BAZ2B: variants seen among roughly 807,000 people sequenced by gnomAD.
BAZ2B encodes bromodomain adjacent to zinc finger domain protein 2B.
In BAZ2B, 91 loss-of-function variants were observed where a neutral mutation model predicts 246.0. The ratio of observed to expected loss-of-function variants is 0.37; its 90% CI spans 0.31 to 0.44. The LOEUF is 0.44. Ranked by LOEUF, BAZ2B falls within the 20% of genes least tolerant of loss-of-function variation. BAZ2B has a pLI of 1.00. For missense variants in BAZ2B, 2,332 were observed against 2,533.7 expected, an observed-to-expected ratio of 0.92 and a Z score of 1.71; for synonymous variants, 855 against 860.0, an observed-to-expected ratio of 0.99 and a Z score of 0.10.
intron 13 of BAZ2B, among the ~76,000 whole-genome samples, chr2:159,424,390 G>T (rs1459406963): frequency 6.6e-6 from 1 of 151,890 alleles, no homozygotes; most frequent in Non-Finnish European, 1.5e-5. Flanking sequence ...TATACTACTG[G>T]AAGGAATAAA....
At chr2:159,566,335 C>T (rs1682581763) in intron 1 of BAZ2B, among the ~76,000 whole-genome samples, 1 of 152,124 alleles carries the variant, frequency 6.6e-6, no homozygotes, top group South Asian at 2.1e-4. Flanking sequence ...TATGATGTGA[C>T]AGCAATGTCC....
chr2:159,473,773 T>C (rs1216756585), intron 3 of BAZ2B, among the ~76,000 whole-genome samples: 1 of 152,248 alleles, frequency 6.6e-6, no homozygotes, highest in African/African-American at 2.4e-5. Context: ...TTTGTTCTCA[T>C]TGGTTTCAAG....
At chr2:159,660,638 C>T in the BAZ2B span, among the ~76,000 whole-genome samples, 1 of 152,138 alleles carries the variant, frequency 6.6e-6, no homozygotes, top group African/African-American at 2.4e-5. Context: ...GAGACAGAGT[C>T]TCACTCTGTT....
chr2:159,496,176 C>G, intron 2 of BAZ2B, among the ~76,000 whole-genome samples: 1 of 149,110 alleles, frequency 6.7e-6, no homozygotes, highest in East Asian at 2.1e-4. Context: ...AAGATCGAGA[C>G]CAGCCTGGCC....
At chr2:159,402,093 T>C (rs1382774191) in intron 16 of BAZ2B, among the ~76,000 whole-genome samples, 2 of 152,206 alleles carry the variant, frequency 1.3e-5, no homozygotes, top group Non-Finnish European at 2.9e-5. Flanking sequence ...CTGATCACAT[T>C]CTTTGATTTT....
At chr2:159,315,818 A>G (rs2062053655), downstream of BAZ2B, among the ~76,000 whole-genome samples, 1 of 152,196 alleles carries the variant, frequency 6.6e-6, no homozygotes, top group South Asian at 2.1e-4. Context: ...AAATCACTGA[A>G]GTATTATTTG....
At position 159,455,762 on chromosome 2, in the gene BAZ2B, G is replaced by GTT. The variant is rs759816186; in HGVS notation, c.146-1962_146-1961insAA. On this transcript the variant is annotated intron_variant, in intron 3 of 36. Coordinates refer to ENST00000392783, the MANE Select transcript of BAZ2B (RefSeq NM_013450.4). ...AGTGATAGGTTACCAGAAATATTGT[G>GTT]GTTTTTTTTTTTTTTTTTTTTTTTT... is the stretch of plus-strand genomic sequence containing the variant. Among the ~76,000 whole-genome samples the GTT allele has an allele frequency of 7.5e-3, 723 of 96,924 alleles. 19 individuals are homozygous for GTT. Among genetic ancestry groups the GTT allele is most frequent in the African/African-American group, 0.014 (389 of 28,724 alleles). The allele number at this position is 96,924 out of a possible 152,430, so 63.6% of individuals were successfully genotyped here.
At chr2:159,498,034 T>C (rs184041315) in intron 2 of BAZ2B, among the ~76,000 whole-genome samples, 14 of 152,366 alleles carry the variant, frequency 9.2e-5, no homozygotes, top group Admixed American at 8.5e-4. Flanking sequence ...GCTAATTGCA[T>C]GACTTTTTTA....
intron 2 of BAZ2B, among the ~76,000 whole-genome samples, chr2:159,527,074 TTTTTAA>T (rs1352072828): frequency 1.3e-5 from 2 of 152,076 alleles, no homozygotes; most frequent in East Asian, 1.9e-4. Context: ...ATTGTCGCTA[TTTTTAA>T]TTTTAATTTT....
chr2:159,639,553 A>G, the BAZ2B span, among the ~76,000 whole-genome samples: 27 of 152,260 alleles, frequency 1.8e-4, no homozygotes, highest in African/African-American at 6.3e-4. Context: ...AACTTAAAGT[A>G]TATTGTTTTT....
intron 1 of BAZ2B, among the ~76,000 whole-genome samples, chr2:159,565,521 G>A (rs2090302797): frequency 1.3e-5 from 2 of 152,122 alleles, no homozygotes; most frequent in African/African-American, 4.8e-5. Flanking sequence ...GCTCACACCT[G>A]TAATCCCAGC....
chr2:159,326,062 A>G (rs1440731599), intron 34 of BAZ2B, 144 bp from the exon 35 acceptor site: 2 of 699,992 alleles, frequency 2.9e-6, no homozygotes, highest in African/African-American at 1.9e-5. Context: ...TTCTTAAGAA[A>G]GATCTGTGTA....
chr2:159,396,912 T>A (rs917777999), intron 19 of BAZ2B, among the ~76,000 whole-genome samples: 4 of 152,162 alleles, frequency 2.6e-5, no homozygotes, highest in Non-Finnish European at 5.9e-5. Context: ...TACTTCTTTA[T>A]AGACAGACAA....
chr2:159,694,633 G>T, the BAZ2B span: 1 of 152,100 alleles, frequency 6.6e-6, no homozygotes, highest in Admixed American at 6.5e-5. Context: ...TGTTTTCAAG[G>T]TTCATCCATG....
rs1191744085 is a variant in BAZ2B at position 159,589,637 on chromosome 2, G to A, written c.-46+26605C>T. 2.6e-5 allele frequency among the ~76,000 whole-genome samples: 4 copies of A among 152,132 alleles called. No homozygotes were observed. The East Asian group carries it at 5.8e-4, about 22-fold the overall frequency. On this transcript the variant is annotated intron_variant, in intron 1 of 36. Transcript: ENST00000392783. ...ATTCACAATTAGCAAAATATCTTAA[G>A]ACACTGTTTATATAATCTTTATCTC...
the BAZ2B span, among the ~76,000 whole-genome samples, chr2:159,672,903 C>T: frequency 8.6e-5 from 13 of 151,924 alleles, no homozygotes; most frequent in Non-Finnish European, 1.9e-4. Flanking sequence ...TGAAATGATA[C>T]AAAGAGTGAA....
chr2:159,691,328 C>T, the BAZ2B span, among the ~76,000 whole-genome samples: 1 of 152,100 alleles, frequency 6.6e-6, no homozygotes, highest in African/African-American at 2.4e-5. Context: ...CTTTTGACTC[C>T]CCAAAAACTT....
intron 17 of BAZ2B, among the ~76,000 whole-genome samples, chr2:159,399,476 GT>G (rs1004997007): frequency 2.2e-4 from 32 of 146,630 alleles, no homozygotes; most frequent in Middle Eastern, 3.5e-3. Context: ...AAGTTCAAGT[GT>G]TTTTTTTTTA....
chr2:159,393,149 T>C (rs775304003), intron 20 of BAZ2B, among the ~76,000 whole-genome samples: 10 of 152,004 alleles, frequency 6.6e-5, no homozygotes, highest in Non-Finnish European at 1.5e-4. Flanking sequence ...AGGGACAAAT[T>C]GTATGAAGTA....
Sources: allele counts gnomAD v4.1 joint callset (sites outside exome capture counted in the v4.1 genomes callset), GRCh38; gene constraint gnomAD v4.1.1; transcripts MANE v1.5; gene names NCBI Gene and HGNC (gene_info 2026-07-23, HGNC 2026-07-21).